The following GSPT1 variants were observed in gnomAD, a reference collection of about 807,000 sequenced individuals.
GSPT1 encodes the protein G1 to S phase transition 1.
In GSPT1, 20 loss-of-function variants were observed where a neutral mutation model predicts 72.5. That is an observed-to-expected ratio of 0.28 (90% CI 0.19 to 0.40). The LOEUF (loss-of-function observed/expected upper bound fraction) is 0.40, where lower values mean the gene tolerates loss of function less well. Among genes scored for constraint, GSPT1 ranks in the 10% least tolerant of loss-of-function variants. GSPT1 has a pLI of 1.00. For missense variants in GSPT1, 580 were observed against 811.9 expected, an observed-to-expected ratio of 0.71 and a Z score of 3.47; for synonymous variants, 334 against 293.5, an observed-to-expected ratio of 1.14 and a Z score of -1.41.
At chr16:11,889,460 C>T (rs1201288412) in intron 6 of GSPT1, among the ~76,000 whole-genome samples, 1 of 150,034 alleles carries the variant, frequency 6.7e-6, no homozygotes, top group African/African-American at 2.5e-5. Flanking sequence ...GCCTCAGCCT[C>T]CCAAGTAGCT....
chr16:11,892,531 A>AAAAAAAT (rs1567443313), intron 5 of GSPT1, among the ~76,000 whole-genome samples: 1 of 139,864 alleles, frequency 7.1e-6, no homozygotes, highest in African/African-American at 2.8e-5. Flanking sequence ...AACAAAAAAA[A>AAAAAAAT]CAAAAAATAA....
intron 1 of GSPT1, among the ~76,000 whole-genome samples, chr16:11,912,752 C>T (rs1380251017): frequency 1.3e-5 from 2 of 152,122 alleles, no homozygotes; most frequent in African/African-American, 4.8e-5. Flanking sequence ...TAAGCCTTGT[C>T]TTCTATATTT....
At chr16:11,912,565 A>C (rs2150894816) in intron 1 of GSPT1, among the ~76,000 whole-genome samples, 1 of 152,306 alleles carries the variant, frequency 6.6e-6, no homozygotes, top group South Asian at 2.1e-4. Flanking sequence ...GAGAAGCATT[A>C]AAGGTGGGAT....
chr16:11,878,204 C>T (rs1369503064), intron 11 of GSPT1, among the ~76,000 whole-genome samples: 1 of 152,174 alleles, frequency 6.6e-6, no homozygotes, highest in African/African-American at 2.4e-5. Context: ...CAACCTCTGC[C>T]TCCTGGGTTC....
In GSPT1 at chr16:11,915,642, C is replaced by G; in HGVS notation, c.79G>C (p.Ala27Pro). The change falls in exon 1 of 15, where the codon GCG (alanine) becomes CCG (proline). Residue 27 changes from alanine (A) to proline (P), a missense_variant. This residue lies in a region of GSPT1 where 327 missense variants were observed against 298.8 expected (regional missense o/e 1.09). Transcript: ENST00000434724. The part of the protein sequence containing the change: ...SSSGSSSSDS[A>P]PDCWDQADME... Reference sequence around the variant, plus strand: ...TCCGCCTGGTCCCAGCAGTCAGGCGCCGAGTCGCTGCTGCTGCTGCCGCTG... The same window carrying G: ...TCCGCCTGGTCCCAGCAGTCAGGCGGCGAGTCGCTGCTGCTGCTGCCGCTG... 1 of 1,486,962 alleles carries G rather than the reference C, an allele frequency of 6.7e-7. No homozygotes were observed. The highest frequency in any genetic ancestry group is 8.9e-7 in the Non-Finnish European group (1 of 1,122,736). The allele number at this position is 1,486,962 out of a possible 1,614,324, so 92.1% of individuals were successfully genotyped here.
intron 1 of GSPT1, among the ~76,000 whole-genome samples, chr16:11,907,616 T>A (rs534722832): frequency 3.7e-5 from 4 of 106,794 alleles, no homozygotes; most frequent in South Asian, 4.4e-4. Flanking sequence ...TCCCGCCCCC[T>A]GTTATTAAAC....
intron 1 of GSPT1, among the ~76,000 whole-genome samples, chr16:11,904,340 C>T (rs1485913203): frequency 2.0e-5 from 3 of 152,064 alleles, no homozygotes; most frequent in East Asian, 1.9e-4. Context: ...GTAGCTGGGA[C>T]TACAGGCGCG....
chr16:11,915,648 C>T lies in GSPT1; in HGVS notation c.73G>A (p.Asp25Asn). 6.7e-7 allele frequency: 1 copy of T among 1,483,254 alleles called. No individual in the cohort carries two copies. 91.9% of individuals were successfully genotyped at this position (1,483,254 alleles called of 1,614,324 possible). A position where few individuals can be genotyped will look rare whatever the true frequency, so the allele number is the denominator to read the frequency against. The change falls in exon 1 of 15, where the codon GAC (aspartate) becomes AAC (asparagine). Residue 25 changes from aspartate (D) to asparagine (N), a missense_variant. Asp to Asn is a conservative substitution (Grantham distance 23). Around this residue, in one of 6 missense-constraint regions of GSPT1, gnomAD observed 327 missense variants for 298.8 expected, o/e 1.09. Transcript: ENST00000434724. ...GGSSSGSSSS[D>N]SAPDCWDQAD... ...TGGTCCCAGCAGTCAGGCGCCGAGT[C>T]GCTGCTGCTGCTGCCGCTGCTGCTC...
Position 11,896,929 on chromosome 16 carries a change from C to G in GSPT1, c.437-144G>C. 4.7e-6 allele frequency: 3 copies of G among 632,544 alleles called. No homozygotes were observed. In the South Asian group the frequency reaches 5.9e-5, roughly 12 times the overall value. The allele number at this position is 632,544 out of a possible 1,614,324, so 39.2% of individuals were successfully genotyped here. A position where few individuals can be genotyped will look rare whatever the true frequency, so the allele number is the denominator to read the frequency against. On this transcript the variant is annotated intron_variant, in intron 3 of 14. Coordinates refer to ENST00000434724, the MANE Select transcript of GSPT1 (RefSeq NM_002094.4). ...TAGTGACACATAAGCAGGAAAACCT[C>G]TTTCATAGCAGAAATGGGTGACAGC...
chr16:11,904,421 C>G (rs1353171778), intron 1 of GSPT1, among the ~76,000 whole-genome samples: 1 of 152,126 alleles, frequency 6.6e-6, no homozygotes, highest in Non-Finnish European at 1.5e-5. Context: ...CCAGGATGGT[C>G]TCGATCTCCT....
chr16:11,882,721 A>C (rs867197139), intron 11 of GSPT1, among the ~76,000 whole-genome samples: 3 of 152,072 alleles, frequency 2.0e-5, no homozygotes, highest in Non-Finnish European at 4.4e-5. Context: ...TTGGGAGGCC[A>C]AGATGGGAGG....
At chr16:11,892,535 A>T (rs1269367386) in intron 5 of GSPT1, among the ~76,000 whole-genome samples, 17 of 147,658 alleles carry the variant, frequency 1.2e-4, no homozygotes, top group African/African-American at 3.1e-4. Context: ...AAAAAAACAA[A>T]AAATAAAAAA....
chr16:11,887,492 T>C, intron 7 of GSPT1, 78 bp downstream of exon 7: 2 of 1,193,422 alleles, frequency 1.7e-6, no homozygotes, highest in South Asian at 2.7e-5. Flanking sequence ...TTTGAGCTTT[T>C]AGAAGATAAA....
At chr16:11,874,923 G>A (rs1408709568) in intron 14 of GSPT1, among the ~76,000 whole-genome samples, 2 of 152,248 alleles carry the variant, frequency 1.3e-5, no homozygotes, top group East Asian at 3.8e-4. Context: ...CGGGCACGGT[G>A]GCTCACGCCT....
In GSPT1 at chr16:11,883,057, T is replaced by C. The variant is rs748638348; in HGVS notation, c.1386A>G (p.Gly462=). The C allele has an allele frequency of 6.2e-7, 1 of 1,609,364 alleles. No homozygotes were observed. Among genetic ancestry groups the C allele is most frequent in the Non-Finnish European group, 8.5e-7 (1 of 1,175,760 alleles). The change falls in exon 11 of 15, where the codon GGA becomes GGG. Residue 462 remains glycine (G), a synonymous_variant. Transcript: ENST00000434724. ...CAAGCTGCTGGCCTTTACAAATAGA[T>C]CCTGATTCCAGCTTTCCCAGGACCA... ...GTVVLGKLES[G]SICKGQQLVM...
At chr16:11,874,927 C>T (rs546321430) in intron 14 of GSPT1, among the ~76,000 whole-genome samples, 2 of 152,326 alleles carry the variant, frequency 1.3e-5, no homozygotes, top group Admixed American at 6.5e-5. Context: ...CACGGTGGCT[C>T]ACGCCTGTAA....
intron 4 of GSPT1, 30 bp downstream of exon 4, chr16:11,896,528 G>C: frequency 1.6e-6 from 2 of 1,231,290 alleles, no homozygotes; most frequent in Non-Finnish European, 2.4e-6. Context: ...TATGTATCCA[G>C]TAACTTTAAT....
At chr16:11,875,121 G>A (rs1234242613) in intron 14 of GSPT1, among the ~76,000 whole-genome samples, 2 of 152,004 alleles carry the variant, frequency 1.3e-5, no homozygotes, top group African/African-American at 2.4e-5. Flanking sequence ...CCTGGGAGGT[G>A]GAGCTTGCAG....
intron 11 of GSPT1, 25 bp downstream of exon 11, chr16:11,882,990 A>G (rs767339350): frequency 1.4e-6 from 2 of 1,440,344 alleles, no homozygotes; most frequent in Non-Finnish European, 2.0e-6. Context: ...ATAAATAGAT[A>G]GGAAACAGCA....
Sources: gnomAD v4.1 joint callset for allele counts (sites outside exome capture counted in the v4.1 genomes callset) on GRCh38, gnomAD v4.1.1 for gene constraint, gnomAD v4.1.1 regional missense constraint, MANE v1.5 for transcripts, NCBI Gene and HGNC (gene_info 2026-07-23, HGNC 2026-07-21) for gene names.